The following ADGB variants were observed in gnomAD, a reference collection of about 807,000 sequenced individuals.
ADGB encodes androglobin, also known as calpain-7-like protein.
A neutral mutation model predicts 210.5 loss-of-function variants in ADGB; 172 were observed. That is an observed-to-expected ratio of 0.82 (90% CI 0.72 to 0.93). The LOEUF (loss-of-function observed/expected upper bound fraction) is 0.93. ADGB is among the 40% of genes least tolerant of loss of function. The pLI is 0.00. For synonymous variants in ADGB, 658 were observed against 662.7 expected, an observed-to-expected ratio of 0.99 and a Z score of 0.11; for missense variants, 2,025 against 1,964.8, an observed-to-expected ratio of 1.03 and a Z score of -0.58.
chr6:146,798,290 CTTAT>C (rs1405413929), intron 33 of ADGB, among the ~76,000 whole-genome samples: 1 of 152,080 alleles, frequency 6.6e-6, no homozygotes. Context: ...CATTTGTTTA[CTTAT>C]TTAACAATTA....
chr6:146,607,862 T>A (rs1467787262), intron 1 of ADGB, among the ~76,000 whole-genome samples: 1 of 151,992 alleles, frequency 6.6e-6, no homozygotes, highest in African/African-American at 2.4e-5. Flanking sequence ...TGTTTTGGGA[T>A]TTTTTACATT....
chr6:146,723,539 C>A (rs1004755556), intron 17 of ADGB, among the ~76,000 whole-genome samples: 5 of 152,018 alleles, frequency 3.3e-5, no homozygotes, highest in African/African-American at 4.8e-5. Flanking sequence ...AGTTCGAGAC[C>A]AGCCTGGGCC....
intron 33 of ADGB, among the ~76,000 whole-genome samples, chr6:146,798,906 A>C (rs187834450): frequency 1.2e-3 from 175 of 152,164 alleles, no homozygotes; most frequent in African/African-American, 4.0e-3. Flanking sequence ...TTATCTAAAT[A>C]TAGAGATCAT....
chr6:146,632,355 G>A (rs545899750), intron 1 of ADGB, among the ~76,000 whole-genome samples: 4 of 151,912 alleles, frequency 2.6e-5, no homozygotes, highest in South Asian at 2.1e-4. Context: ...AACCTCCTCC[G>A]ACTCCTTCTT....
chr6:146,607,561 T>A (rs1432182084), intron 1 of ADGB, among the ~76,000 whole-genome samples: 4 of 152,154 alleles, frequency 2.6e-5, no homozygotes, highest in African/African-American at 7.2e-5. Context: ...TTTTGATGTA[T>A]GTTCCTTAAA....
At chr6:146,698,381 G>C (rs1776440714) in intron 12 of ADGB, among the ~76,000 whole-genome samples, 1 of 152,180 alleles carries the variant, frequency 6.6e-6, no homozygotes, top group African/African-American at 2.4e-5. Context: ...GCTGATAAGA[G>C]AAAAGCAGTC....
At chr6:146,766,039 G>C (rs1054700332) in intron 28 of ADGB, among the ~76,000 whole-genome samples, 1 of 152,040 alleles carries the variant, frequency 6.6e-6, no homozygotes, top group Non-Finnish European at 1.5e-5. Context: ...AAAAATTAGG[G>C]TGGAGGTGTA....
chr6:146,788,153 A>G (rs1267952652), intron 32 of ADGB, among the ~76,000 whole-genome samples: 1 of 152,126 alleles, frequency 6.6e-6, no homozygotes, highest in Non-Finnish European at 1.5e-5. Context: ...CAACTTCTAA[A>G]AGCCTCTATT....
chr6:146,616,384 T>C (rs904253375), intron 1 of ADGB, among the ~76,000 whole-genome samples: 5 of 152,102 alleles, frequency 3.3e-5, no homozygotes, highest in Non-Finnish European at 5.9e-5. Flanking sequence ...GTCTGTTTAC[T>C]CTGTTAATGT....
At position 146,656,857 on chromosome 6, in the gene ADGB, AG is replaced by A; in HGVS notation, c.493del (p.Glu165AsnfsTer20). 1 of 1,551,666 alleles carries A rather than the reference AG, an allele frequency of 6.4e-7. No individual in the cohort carries two copies. The highest frequency in any genetic ancestry group is 1.4e-5 in the African/African-American group (1 of 73,176). On this transcript the variant is annotated frameshift_variant, in exon 5 of 36. Coordinates refer to ENST00000397944, the MANE Select transcript of ADGB (RefSeq NM_024694.4). LOFTEE classifies it high-confidence loss of function. The part of the protein sequence containing the change: ...ILSNYFKGTS[G>X]EPPLLPWKPW... ...TGAGCAATTATTTTAAGGGGACTTC[AG>A]GGGAACCTCCTCTTCTCCCCTGGAA...
Position 146,635,548 on chromosome 6 carries a change from G to A in ADGB, c.237+11G>A. On this transcript the variant is annotated intron_variant, in intron 2 of 35. Transcript: ENST00000397944. ...AAAAGCCCTGTATTTGTAAGTAGATGTAAATGTGACTAGGTTTCATTTTGG... is the reference window on the plus strand; with the variant it reads ...AAAAGCCCTGTATTTGTAAGTAGATATAAATGTGACTAGGTTTCATTTTGG... The A allele has an allele frequency of 1.3e-6, 2 of 1,497,882 alleles. No individual in the cohort carries two copies. Among genetic ancestry groups the A allele is most frequent in the Non-Finnish European group, 1.8e-6 (2 of 1,121,752 alleles). 92.8% of individuals were successfully genotyped at this position (1,497,882 alleles called of 1,614,324 possible). A position where few individuals can be genotyped will look rare whatever the true frequency, so the allele number is the denominator to read the frequency against.
chr6:146,641,454 G>GA (rs879009000), intron 2 of ADGB, among the ~76,000 whole-genome samples: 143 of 142,424 alleles, frequency 1.0e-3, no homozygotes, highest in Middle Eastern at 3.6e-3. Context: ...AATCCCACGG[G>GA]AAAAAAAAAA....
intron 14 of ADGB, 53 bp downstream of exon 14, chr6:146,715,468 G>A: frequency 7.9e-7 from 1 of 1,268,396 alleles, no homozygotes; most frequent in Non-Finnish European, 1.1e-6. Flanking sequence ...AGATACAGAG[G>A]GGCATCTCTG....
chr6:146,756,524 A>C (rs1351907265), intron 27 of ADGB, among the ~76,000 whole-genome samples: 3 of 152,060 alleles, frequency 2.0e-5, no homozygotes, highest in Non-Finnish European at 4.4e-5. Context: ...AAAATATTAC[A>C]TATACATACC....
intron 1 of ADGB, among the ~76,000 whole-genome samples, chr6:146,615,537 T>G (rs930065974): frequency 6.6e-6 from 1 of 152,210 alleles, no homozygotes; most frequent in African/African-American, 2.4e-5. Context: ...AACTTACTCC[T>G]TCTATCTAAC....
rs533267624 is a variant in ADGB, at chr6:146,736,548, G to T, written c.2845G>T (p.Val949Leu). Residue 949 changes from valine to leucine, a missense_variant, in exon 23 of 36, where the codon GTA becomes TTA. Val to Leu is a conservative substitution (Grantham distance 32). Transcript: ENST00000397944. The stretch of plus-strand genomic sequence containing the variant: ...AGATACTCTTCAAAAAGTTTGGGCT[G>T]TATTGGAAATGAATTTAGAACAGTA... The part of the protein sequence containing the change: ...VADTLQKVWA[V>L]LEMNLEQYAV... 162 of 1,549,256 alleles carry T rather than the reference G, an allele frequency of 1.0e-4. 2 individuals carry two copies. The South Asian group carries it at 1.8e-3, about 17-fold the overall frequency.
intron 12 of ADGB, among the ~76,000 whole-genome samples, chr6:146,698,451 A>C (rs1396720710): frequency 6.6e-6 from 1 of 152,168 alleles, no homozygotes; most frequent in African/African-American, 2.4e-5. Context: ...TCTTTACATC[A>C]CAGGCAGTTA....
Position 146,788,441 on chromosome 6 carries a change from T to G in ADGB, c.4368T>G (p.Gly1456=). ...AACCAAACTCAAAGAATTCTGCAGGTTCAGAGAGCAAAGAGATGACACAAA... is the reference window on the plus strand; with the variant it reads ...AACCAAACTCAAAGAATTCTGCAGGGTCAGAGAGCAAAGAGATGACACAAA... ...VKEPNSKNSA[G]SESKEMTQTG... Residue 1456 remains glycine, a synonymous_variant, in exon 33 of 36, where the codon GGT becomes GGG. Transcript: ENST00000397944. 6.4e-7 allele frequency: 1 copy of G among 1,551,456 alleles called. No homozygotes were observed. The highest frequency in any genetic ancestry group is 8.7e-7 in the Non-Finnish European group (1 of 1,146,918).
At chr6:146,800,134 T>C (rs1778105470) in intron 33 of ADGB, among the ~76,000 whole-genome samples, 1 of 91,310 alleles carries the variant, frequency 1.1e-5, no homozygotes, top group South Asian at 3.8e-4. Flanking sequence ...AAATAAACTT[T>C]TTTCTTTTTT....
Sources: gnomAD v4.1 joint callset for allele counts (sites outside exome capture counted in the v4.1 genomes callset) on GRCh38, gnomAD v4.1.1 for gene constraint, MANE v1.5 for transcripts, NCBI Gene and HGNC (gene_info 2026-07-23, HGNC 2026-07-21) for gene names.